TTLL11: variants seen among roughly 807,000 people sequenced by gnomAD.
TTLL11 encodes tubulin polyglutamylase TTLL11.
Under a neutral mutation model 51.7 loss-of-function variants are expected in TTLL11, and 42 were observed. The observed-to-expected ratio is 0.81, with a 90% CI of 0.64 to 1.05. The LOEUF (loss-of-function observed/expected upper bound fraction) is 1.05. Among genes scored for constraint, TTLL11 ranks in the 50% least tolerant of loss-of-function variants. The pLI, the probability that TTLL11 is intolerant of heterozygous loss-of-function variation, is 0.00. For missense variants in TTLL11, 799 were observed against 940.4 expected (o/e 0.85, Z 1.97); for synonymous variants, 381 against 383.5 (o/e 0.99, Z 0.08).
At chr9:121,889,166 A>G (rs1839127056) in intron 6 of TTLL11, among the ~76,000 whole-genome samples, 2 of 152,080 alleles carry the variant, frequency 1.3e-5, no homozygotes, top group Admixed American at 6.6e-5. Context: ...TCTACTTTAC[A>G]GACGGGGAAA....
intron 6 of TTLL11, among the ~76,000 whole-genome samples, chr9:121,915,718 A>T (rs1840296443): frequency 6.6e-6 from 1 of 152,144 alleles, no homozygotes; most frequent in South Asian, 2.1e-4. Flanking sequence ...TGATTTTTTT[A>T]AAAGGATCCT....
At chr9:121,891,209 G>A (rs1207075222) in intron 6 of TTLL11, among the ~76,000 whole-genome samples, 6 of 152,158 alleles carry the variant, frequency 3.9e-5, no homozygotes, top group African/African-American at 1.2e-4. Context: ...GATTCTAAGC[G>A]CTGTTCACTG....
chr9:121,836,375 C>T (rs1336817224), intron 8 of TTLL11, among the ~76,000 whole-genome samples: 4 of 152,150 alleles, frequency 2.6e-5, no homozygotes, highest in African/African-American at 7.2e-5. Context: ...ATGGGTTGCC[C>T]TTCCTGACAT....
intron 6 of TTLL11, among the ~76,000 whole-genome samples, chr9:121,871,123 A>G (rs1414386041): frequency 6.6e-6 from 1 of 152,242 alleles, no homozygotes; most frequent in Non-Finnish European, 1.5e-5. Context: ...AATCTCATTG[A>G]GGACTGGCGA....
intron 4 of TTLL11, among the ~76,000 whole-genome samples, chr9:121,982,552 A>G (rs1315614537): frequency 2.0e-5 from 3 of 152,052 alleles, no homozygotes; most frequent in African/African-American, 7.2e-5. Context: ...CCCTGTCTCT[A>G]CTAAAAATAT....
intron 6 of TTLL11, among the ~76,000 whole-genome samples, chr9:121,904,120 T>C (rs1474882536): frequency 6.6e-6 from 1 of 152,200 alleles, no homozygotes; most frequent in African/African-American, 2.4e-5. Flanking sequence ...CTAAAACTAT[T>C]TCCACATTTC....
intron 6 of TTLL11, among the ~76,000 whole-genome samples, chr9:121,960,801 A>G (rs1040252729): frequency 4.6e-5 from 7 of 152,096 alleles, no homozygotes; most frequent in Non-Finnish European, 7.4e-5. Context: ...TTGCACATCC[A>G]GGAAAGCCAG....
intron 6 of TTLL11, among the ~76,000 whole-genome samples, chr9:121,942,259 T>G (rs1466251425): frequency 6.6e-6 from 1 of 152,136 alleles, no homozygotes; most frequent in Non-Finnish European, 1.5e-5. Flanking sequence ...GCCTGACAGA[T>G]TTTCCCTCAG....
intron 4 of TTLL11, among the ~76,000 whole-genome samples, chr9:121,983,640 C>T (rs552265131): frequency 2.6e-5 from 4 of 152,220 alleles, no homozygotes; most frequent in South Asian, 2.1e-4. Flanking sequence ...TCATGCTTTA[C>T]GCTCCAGCTT....
chr9:121,930,234 G>A (rs1204921790), intron 6 of TTLL11, among the ~76,000 whole-genome samples: 3 of 152,158 alleles, frequency 2.0e-5, no homozygotes, highest in Non-Finnish European at 2.9e-5. Context: ...AAGACTCCCT[G>A]TCATACCGTG....
At chr9:122,006,122 T>C (rs1352501984) in intron 3 of TTLL11, among the ~76,000 whole-genome samples, 1 of 152,140 alleles carries the variant, frequency 6.6e-6, no homozygotes, top group Non-Finnish European at 1.5e-5. Context: ...GGTGGATCAC[T>C]TGAGGTCAGG....
rs182186888 is a variant in TTLL11 at position 121,930,238 on chromosome 9, T to C, written c.1481+43771A>G. Among the ~76,000 whole-genome samples, 83 of 152,332 alleles carry C rather than the reference T, an allele frequency of 5.4e-4. No homozygotes were observed. In the East Asian group the frequency reaches 0.014, roughly 26 times the overall value. On this transcript the variant is annotated intron_variant, in intron 6 of 8. Coordinates refer to ENST00000321582, the MANE Select transcript of TTLL11 (RefSeq NM_001139442.2). ...TGCATCGGAAAAAGACTCCCTGTCATACCGTGTTGCTGTGATTTGTAAATT... is the reference window on the plus strand; with the variant it reads ...TGCATCGGAAAAAGACTCCCTGTCACACCGTGTTGCTGTGATTTGTAAATT...
intron 8 of TTLL11, among the ~76,000 whole-genome samples, chr9:121,851,752 G>A (rs970057197): frequency 2.0e-5 from 3 of 152,222 alleles, no homozygotes; most frequent in Non-Finnish European, 4.4e-5. Flanking sequence ...AGCACTGAGT[G>A]CTGTGTTTTG....
At chr9:121,978,289 A>G (rs953240130) in intron 4 of TTLL11, among the ~76,000 whole-genome samples, 4 of 152,168 alleles carry the variant, frequency 2.6e-5, no homozygotes, top group African/African-American at 9.7e-5. Flanking sequence ...TCTTGTCATA[A>G]AATCACAGAA....
chr9:121,952,679 A>AGTTTGG (rs1433759974), intron 6 of TTLL11, among the ~76,000 whole-genome samples: 3 of 151,962 alleles, frequency 2.0e-5, no homozygotes, highest in African/African-American at 7.3e-5. Flanking sequence ...TTGATTGGTG[A>AGTTTGG]ATTTGGAGAC....
intron 1 of TTLL11, among the ~76,000 whole-genome samples, chr9:122,066,390 G>A (rs1403285911): frequency 6.6e-6 from 1 of 152,092 alleles, no homozygotes; most frequent in Non-Finnish European, 1.5e-5. Context: ...GGAGACAACA[G>A]GGAAGGACAA....
chr9:121,866,524 G>A (rs1164442627), intron 7 of TTLL11, among the ~76,000 whole-genome samples: 1 of 152,142 alleles, frequency 6.6e-6, no homozygotes, highest in East Asian at 1.9e-4. Context: ...GCCGGGCATG[G>A]TGGTGGGCGC....
intron 3 of TTLL11, among the ~76,000 whole-genome samples, chr9:122,031,038 TAGAC>T (rs1844525616): frequency 6.6e-6 from 1 of 152,236 alleles, no homozygotes; most frequent in African/African-American, 2.4e-5. Context: ...TTATCACAAT[TAGAC>T]AGGCATTGGT....
At chr9:121,982,413 G>C (rs1203101678) in intron 4 of TTLL11, among the ~76,000 whole-genome samples, 1 of 152,124 alleles carries the variant, frequency 6.6e-6, no homozygotes, top group Non-Finnish European at 1.5e-5. Flanking sequence ...GCTAAATAAA[G>C]TGAGAGAATA....
Sources: allele counts gnomAD v4.1 joint callset (sites outside exome capture counted in the v4.1 genomes callset), GRCh38; gene constraint gnomAD v4.1.1; transcripts MANE v1.5; gene names NCBI Gene and HGNC (gene_info 2026-07-23, HGNC 2026-07-21).